PPP6R2: variants seen among roughly 807,000 people sequenced by gnomAD.
PPP6R2 encodes the protein serine/threonine-protein phosphatase 6 regulatory subunit 2.
Under a neutral mutation model 100.2 loss-of-function variants are expected in PPP6R2, and 62 were observed. The ratio of observed to expected loss-of-function variants is 0.62; its 90% CI spans 0.50 to 0.76. The LOEUF (loss-of-function observed/expected upper bound fraction) is 0.76, where lower values mean the gene tolerates loss of function less well. Among genes scored for constraint, PPP6R2 ranks in the 30% least tolerant of loss-of-function variants. The pLI, the probability that PPP6R2 is intolerant of heterozygous loss-of-function variation, is 0.00. For synonymous variants in PPP6R2, 525 were observed against 514.7 expected, an observed-to-expected ratio of 1.02 and a Z score of -0.27; for missense variants, 1,142 against 1,276.3, an observed-to-expected ratio of 0.89 and a Z score of 1.60.
At position 50,376,327 on chromosome 22, in the gene PPP6R2, C is replaced by A. The variant is rs561495532; in HGVS notation, c.-17+4177C>A. On this transcript the variant is annotated intron_variant, in intron 2 of 23. Transcript: ENST00000612753. ...AAAGTGAAACCTTGTCTCAAAAAAA[C>A]CCCCAGAAAATGAAAACAGGAAAAC... Among the ~76,000 whole-genome samples, 8 of 152,036 alleles carry A rather than the reference C, an allele frequency of 5.3e-5. No individual in the cohort carries two copies. In the South Asian group the frequency reaches 6.2e-4, roughly 12 times the overall value.
At chr22:50,333,186 C>T in the PPP6R2 span, among the ~76,000 whole-genome samples, 2 of 151,972 alleles carry the variant, frequency 1.3e-5, no homozygotes, top group Admixed American at 6.6e-5. Context: ...AAAAATCAAT[C>T]GATGATAATT....
chr22:50,356,305 C>CTTTT (rs542422707), intron 1 of PPP6R2, among the ~76,000 whole-genome samples: 1 of 135,290 alleles, frequency 7.4e-6, no homozygotes. Context: ...TCTATTTTTC[C>CTTTT]TTTTTTTTTT....
intron 7 of PPP6R2, 94 bp downstream of exon 7, chr22:50,419,073 A>G (rs1007298946): frequency 2.0e-6 from 2 of 1,002,816 alleles, no homozygotes; most frequent in Non-Finnish European, 3.1e-6. Flanking sequence ...ATATGTTGCC[A>G]CCTCCTCTGA....
chr22:50,394,624 A>G (rs939339563), intron 3 of PPP6R2, among the ~76,000 whole-genome samples: 7 of 136,446 alleles, frequency 5.1e-5, no homozygotes, highest in Non-Finnish European at 1.6e-5. Context: ...AAAAAAAAAA[A>G]GGCCGGGCAC....
intron 1 of PPP6R2, among the ~76,000 whole-genome samples, chr22:50,371,644 A>G (rs1001242734): frequency 1.5e-5 from 2 of 137,648 alleles, no homozygotes; most frequent in East Asian, 4.0e-4. Context: ...AAATTTTGTA[A>G]TTGCTTTTTT....
At chr22:50,441,157 T>C (rs2148416582) in intron 22 of PPP6R2, 131 bp downstream of exon 22, 2 of 835,306 alleles carry the variant, frequency 2.4e-6, no homozygotes, top group Non-Finnish European at 3.6e-6. Flanking sequence ...GCCTCCCCCA[T>C]GGCCCCGTGA....
intron 2 of PPP6R2, among the ~76,000 whole-genome samples, chr22:50,392,518 G>A (rs986986261): frequency 2.6e-5 from 4 of 152,162 alleles, no homozygotes; most frequent in South Asian, 2.1e-4. Context: ...TGTATAGATC[G>A]GAGGCTGCAG....
At chr22:50,340,494 T>G (rs2042360395), upstream of PPP6R2, among the ~76,000 whole-genome samples, 1 of 137,702 alleles carries the variant, frequency 7.3e-6, no homozygotes, top group African/African-American at 2.8e-5. Flanking sequence ...GTGTGGTGTG[T>G]GTAGGGTGTG....
intron 2 of PPP6R2, among the ~76,000 whole-genome samples, chr22:50,391,506 T>C (rs1259804361): frequency 1.3e-5 from 2 of 150,976 alleles, no homozygotes; most frequent in African/African-American, 4.9e-5. Context: ...CCTAGCTGCT[T>C]GGAAGGCTGA....
chr22:50,352,959 G>A lies in PPP6R2; in HGVS notation c.-148+9409G>A, dbSNP rs2045653296. On this transcript the variant is annotated intron_variant, in intron 1 of 23. Coordinates refer to ENST00000612753, the MANE Select transcript of PPP6R2 (RefSeq NM_001242898.2). ...CATGCCTATAGTCCCAGCTACTGGGGAGGCTGAGGTAGGAGGATGGCTTGA... is the reference window on the plus strand; with the variant it reads ...CATGCCTATAGTCCCAGCTACTGGGAAGGCTGAGGTAGGAGGATGGCTTGA... Among the ~76,000 whole-genome samples the A allele has an allele frequency of 2.6e-5, 4 of 152,182 alleles. No individual in the cohort carries two copies. The South Asian group carries it at 8.3e-4, about 32-fold the overall frequency.
At chr22:50,438,942 C>T (rs2064996824) in intron 19 of PPP6R2, among the ~76,000 whole-genome samples, 180 bp downstream of exon 19, 1 of 152,210 alleles carries the variant, frequency 6.6e-6, no homozygotes, top group African/African-American at 2.4e-5. Context: ...GCGCTGTGCC[C>T]AGCGCAAGGT....
At chr22:50,401,523 T>C (rs1311216871) in intron 3 of PPP6R2, among the ~76,000 whole-genome samples, 1 of 149,036 alleles carries the variant, frequency 6.7e-6, no homozygotes, top group Non-Finnish European at 1.5e-5. Flanking sequence ...TTTTTTTTTT[T>C]CTGAGACAGA....
At chr22:50,360,765 A>C (rs890304502) in intron 1 of PPP6R2, among the ~76,000 whole-genome samples, 1 of 152,100 alleles carries the variant, frequency 6.6e-6, no homozygotes, top group Non-Finnish European at 1.5e-5. Context: ...ATTGGGTGTG[A>C]GCCAGGGAGC....
chr22:50,428,909 A>C (rs1176035339), intron 10 of PPP6R2, among the ~76,000 whole-genome samples: 1 of 152,166 alleles, frequency 6.6e-6, no homozygotes, highest in Non-Finnish European at 1.5e-5. Flanking sequence ...GATCTTAGAG[A>C]AGCTTTCAGT....
At chr22:50,402,087 C>T (rs572387979) in intron 3 of PPP6R2, among the ~76,000 whole-genome samples, 5 of 152,126 alleles carry the variant, frequency 3.3e-5, no homozygotes, top group Admixed American at 1.3e-4. Flanking sequence ...TGCTCTCCTC[C>T]GTGTGCCTTG....
intron 2 of PPP6R2, among the ~76,000 whole-genome samples, chr22:50,382,929 C>T (rs1420244979): frequency 6.6e-6 from 1 of 151,806 alleles, no homozygotes; most frequent in Non-Finnish European, 1.5e-5. Flanking sequence ...CCTCTGCCTC[C>T]CAGACTCAAG....
At chr22:50,381,114 C>CATA in intron 2 of PPP6R2, among the ~76,000 whole-genome samples, 1 of 112,948 alleles carries the variant, frequency 8.9e-6, no homozygotes, top group East Asian at 2.8e-4. Context: ...AACTTTGTCT[C>CATA]AAAAAAAAAA....
chr22:50,378,750 C>T (rs1010332159), intron 2 of PPP6R2, among the ~76,000 whole-genome samples: 2 of 151,362 alleles, frequency 1.3e-5, no homozygotes, highest in Non-Finnish European at 2.9e-5. Context: ...CCTGGTGGGG[C>T]ATGCCTGTAG....
At chr22:50,438,877 C>T (rs1569495260) in intron 19 of PPP6R2, 115 bp downstream of exon 19, 13 of 1,112,766 alleles carry the variant, frequency 1.2e-5, no homozygotes, top group Non-Finnish European at 1.6e-5. Flanking sequence ...CTCACTGTGG[C>T]CCGGAGCCTG....
Sources: allele counts gnomAD v4.1 joint callset (sites outside exome capture counted in the v4.1 genomes callset), GRCh38; gene constraint gnomAD v4.1.1; transcripts MANE v1.5; gene names NCBI Gene and HGNC (gene_info 2026-07-23, HGNC 2026-07-21).